Variants in KCNH5 observed in about 807,000 individuals in gnomAD.
KCNH5 encodes the protein potassium voltage-gated channel subfamily H member 5.
A neutral mutation model predicts 96.1 loss-of-function variants in KCNH5; 46 were observed. The ratio of observed to expected loss-of-function variants is 0.48; its 90% CI spans 0.38 to 0.61. The LOEUF (loss-of-function observed/expected upper bound fraction) is 0.61. Among genes scored for constraint, KCNH5 ranks in the 20% least tolerant of loss-of-function variants. KCNH5 has a pLI of 0.00. For synonymous variants in KCNH5, 439 were observed against 449.8 expected, an observed-to-expected ratio of 0.98 and a Z score of 0.30; for missense variants, 907 against 1,225.8, an observed-to-expected ratio of 0.74 and a Z score of 3.88.
chr14:62,944,418 T>G (rs568866021), intron 7 of KCNH5, among the ~76,000 whole-genome samples: 25 of 152,202 alleles, frequency 1.6e-4, no homozygotes, highest in Non-Finnish European at 2.9e-4. Flanking sequence ...ACAGATTGAC[T>G]AGAACCCTGG....
At chr14:62,774,518 ATTAACT>A (rs1253055473) in intron 10 of KCNH5, among the ~76,000 whole-genome samples, 1 of 152,232 alleles carries the variant, frequency 6.6e-6, no homozygotes, top group African/African-American at 2.4e-5. Context: ...GAACTGTAAT[ATTAACT>A]TTAAAAGTCT....
chr14:62,900,772 TAA>T, intron 7 of KCNH5, among the ~76,000 whole-genome samples: 1 of 151,784 alleles, frequency 6.6e-6, no homozygotes, highest in Middle Eastern at 3.4e-3. Context: ...TCAACAAAAC[TAA>T]AAGTTTTTGA....
intron 6 of KCNH5, among the ~76,000 whole-genome samples, chr14:62,954,261 T>C (rs1890058452): frequency 6.6e-6 from 1 of 152,200 alleles, no homozygotes. Flanking sequence ...GCCATCTTTA[T>C]TGTCATACTC....
intron 6 of KCNH5, among the ~76,000 whole-genome samples, chr14:62,978,321 G>A (rs906605869): frequency 6.6e-6 from 1 of 152,160 alleles, no homozygotes; most frequent in South Asian, 2.1e-4. Context: ...GCCGCTGACC[G>A]TACTCCACAC....
intron 6 of KCNH5, among the ~76,000 whole-genome samples, chr14:62,969,448 C>A (rs1216192199): frequency 6.6e-6 from 1 of 152,088 alleles, no homozygotes; most frequent in African/African-American, 2.4e-5. Flanking sequence ...TAAAAATCAA[C>A]AAAGCCAAAA....
chr14:62,793,228 C>T (rs1036785315), intron 9 of KCNH5, among the ~76,000 whole-genome samples: 5 of 151,850 alleles, frequency 3.3e-5, no homozygotes, highest in African/African-American at 1.2e-4. Flanking sequence ...CTGCTGTACA[C>T]ATAGAGCCTA....
intron 10 of KCNH5, among the ~76,000 whole-genome samples, chr14:62,718,459 A>C (rs1245537171): frequency 6.6e-6 from 1 of 152,242 alleles, no homozygotes; most frequent in Non-Finnish European, 1.5e-5. Flanking sequence ...GGCATATGAA[A>C]AGATACTCAT....
At chr14:62,902,351 C>T (rs1355183170) in intron 7 of KCNH5, among the ~76,000 whole-genome samples, 1 of 151,092 alleles carries the variant, frequency 6.6e-6, no homozygotes, top group East Asian at 1.9e-4. Context: ...AGTTTGAGGT[C>T]TTACATTGAA....
chr14:62,780,062 T>A, intron 9 of KCNH5, 138 bp from the exon 10 acceptor site: 1 of 521,448 alleles, frequency 1.9e-6, no homozygotes, highest in Non-Finnish European at 3.2e-6. Flanking sequence ...TATAAACACA[T>A]AACAATACAC....
At chr14:62,853,494 A>ATATATGATATATATATATATATATATG (rs375695583) in intron 7 of KCNH5, among the ~76,000 whole-genome samples, 1,545 of 102,060 alleles carry the variant, frequency 0.015, 74 homozygotes, top group African/African-American at 0.05. Flanking sequence ...ATATATATAT[A>ATATATGATATATATATATATATATATG]ATCTTGGCCA....
intron 6 of KCNH5, among the ~76,000 whole-genome samples, chr14:62,969,244 G>A (rs947516892): frequency 2.6e-5 from 4 of 152,076 alleles, no homozygotes; most frequent in Non-Finnish European, 5.9e-5. Flanking sequence ...CAATGCGTAG[G>A]ATAGGAGATC....
At chr14:62,780,882 G>C (rs1886196982) in intron 9 of KCNH5, among the ~76,000 whole-genome samples, 1 of 151,992 alleles carries the variant, frequency 6.6e-6, no homozygotes, top group South Asian at 2.1e-4. Flanking sequence ...AAGACAGGGG[G>C]AATATATCCA....
chr14:62,825,040 C>T (rs1290820029), intron 8 of KCNH5, among the ~76,000 whole-genome samples: 1 of 151,956 alleles, frequency 6.6e-6, no homozygotes, highest in African/African-American at 2.4e-5. Context: ...CATGTCTTTG[C>T]TATTGTGAAC....
chr14:63,017,082 T>C, intron 1 of KCNH5, 128 bp from the exon 2 acceptor site: 1 of 859,692 alleles, frequency 1.2e-6, no homozygotes, highest in South Asian at 2.4e-5. Flanking sequence ...GTACAAATAA[T>C]ATAACCTGTT....
intron 9 of KCNH5, among the ~76,000 whole-genome samples, chr14:62,801,337 T>C (rs1428203634): frequency 1.3e-5 from 2 of 148,586 alleles, no homozygotes; most frequent in African/African-American, 5.0e-5. Flanking sequence ...GTGATCAAAA[T>C]GAAGTCGACA....
chr14:62,769,548 G>A (rs1885941681), intron 10 of KCNH5, among the ~76,000 whole-genome samples: 1 of 152,234 alleles, frequency 6.6e-6, no homozygotes, highest in African/African-American at 2.4e-5. Context: ...CACTAGACAA[G>A]CTGGTGCTGC....
At chr14:63,012,117 T>C (rs1891240268) in intron 2 of KCNH5, among the ~76,000 whole-genome samples, 1 of 152,230 alleles carries the variant, frequency 6.6e-6, no homozygotes, top group Non-Finnish European at 1.5e-5. Flanking sequence ...CTACCTAATC[T>C]ATGACAGTAT....
intron 9 of KCNH5, among the ~76,000 whole-genome samples, chr14:62,783,015 A>G (rs543725169): frequency 6.6e-6 from 1 of 152,340 alleles, no homozygotes; most frequent in South Asian, 2.1e-4. Context: ...AGTGAAATTT[A>G]TAATTGCCAA....
chr14:62,811,212 A>G (rs893271880), intron 8 of KCNH5, among the ~76,000 whole-genome samples: 1 of 152,168 alleles, frequency 6.6e-6, no homozygotes, highest in Non-Finnish European at 1.5e-5. Context: ...CATTTTGACT[A>G]CAGAACTCTT....
Sources: gnomAD v4.1 joint callset for allele counts (sites outside exome capture counted in the v4.1 genomes callset) on GRCh38, gnomAD v4.1.1 for gene constraint, MANE v1.5 for transcripts, NCBI Gene and HGNC (gene_info 2026-07-23, HGNC 2026-07-21) for gene names.